The following DLEC1 variants were observed in gnomAD, a reference collection of about 807,000 sequenced individuals.
DLEC1 encodes the protein deleted in lung and esophageal cancer protein 1.
In DLEC1, 146 loss-of-function variants were observed where a neutral mutation model predicts 198.1. The observed-to-expected ratio is 0.74, with a 90% confidence interval of 0.64 to 0.85. The LOEUF (loss-of-function observed/expected upper bound fraction) is 0.85, where lower values mean the gene tolerates loss of function less well. Ranked by LOEUF, DLEC1 falls within the 40% of genes least tolerant of loss-of-function variation. The pLI is 0.00. For synonymous variants in DLEC1, 897 were observed against 866.8 expected (o/e 1.03, Z -0.61); for missense variants, 2,233 against 2,220.0 (o/e 1.01, Z -0.12).
chr3:38,123,125 G>A lies in DLEC1; in HGVS notation c.*713G>A, dbSNP rs1435916631. The A allele has an allele frequency of 1.2e-6, 2 of 1,614,132 alleles. No individual in the cohort carries two copies. Among genetic ancestry groups the A allele is most frequent in the Non-Finnish European group, 1.7e-6 (2 of 1,179,998 alleles). On this transcript the variant is annotated 3_prime_UTR_variant, in exon 37 of 37. Coordinates refer to ENST00000308059, the MANE Select transcript of DLEC1 (RefSeq NM_007335.4). ...ACATGGACACCACTCCGTATGCCCT[G>A]TGAAAACAAAACTTAATTGGCTGGG...
chr3:38,116,403 G>T (rs756309101), intron 27 of DLEC1, 50 bp from the exon 28 acceptor site: 6 of 1,603,100 alleles, frequency 3.7e-6, no homozygotes, highest in African/African-American at 1.3e-5. Flanking sequence ...GCCCCGGGGG[G>T]TTGTCTGCTC....
chr3:38,062,862 G>A (rs3752614), intron 5 of DLEC1, 61 bp downstream of exon 5: 480,141 of 1,556,900 alleles, frequency 0.31, 76,530 homozygotes, highest in East Asian at 0.52. Context: ...AACCTAGATG[G>A]TCCTCCGTTT....
rs73825490 is a variant in DLEC1 at position 38,085,108 on chromosome 3, G to A, written c.1262-166G>A. The stretch of plus-strand genomic sequence containing the variant: ...ATGCTTACCTGGAGTCGCCACCCTT[G>A]CAGCCTGCTCCCCTCGCATGCCCTT... On this transcript the variant is annotated intron_variant, in intron 7 of 36. Coordinates refer to ENST00000308059, the MANE Select transcript of DLEC1 (RefSeq NM_007335.4). Among the ~76,000 whole-genome samples the A allele has an allele frequency of 2.3e-3, 352 of 152,270 alleles. 1 individual carries two copies. The highest frequency in any genetic ancestry group is 8.2e-3 in the African/African-American group (340 of 41,552).
chr3:38,064,946 G>T (rs577176268), intron 6 of DLEC1, among the ~76,000 whole-genome samples: 63 of 152,352 alleles, frequency 4.1e-4, no homozygotes, highest in African/African-American at 1.5e-3. Flanking sequence ...TGGCGGCCGG[G>T]CAGAGGCTGC....
intron 19 of DLEC1, among the ~76,000 whole-genome samples, chr3:38,101,496 A>G (rs1699304345): frequency 6.6e-6 from 1 of 152,118 alleles, no homozygotes; most frequent in African/African-American, 2.4e-5. Flanking sequence ...TTGTTTTATT[A>G]TTCGTTAAAC....
chr3:38,045,823 G>T, intron 2 of DLEC1, 130 bp downstream of exon 2: 3 of 939,342 alleles, frequency 3.2e-6, no homozygotes, highest in Non-Finnish European at 3.1e-6. Flanking sequence ...ATGATAATAT[G>T]AATATTACCA....
At chr3:38,113,900 T>G (rs1575229459) in intron 25 of DLEC1, among the ~76,000 whole-genome samples, 1 of 151,900 alleles carries the variant, frequency 6.6e-6, no homozygotes, top group Admixed American at 6.6e-5. Flanking sequence ...TTTATTACTT[T>G]TGATTAGCAG....
intron 6 of DLEC1, among the ~76,000 whole-genome samples, chr3:38,083,614 TG>T (rs1698181818): frequency 8.4e-6 from 1 of 118,700 alleles, no homozygotes; most frequent in Admixed American, 8.8e-5. Flanking sequence ...TCAGTTAAGG[TG>T]GGGCAGGGCA....
At chr3:38,064,250 A>C (rs1324394347) in intron 6 of DLEC1, among the ~76,000 whole-genome samples, 2 of 152,018 alleles carry the variant, frequency 1.3e-5, no homozygotes, top group Non-Finnish European at 2.9e-5. Flanking sequence ...CTGTTTAACA[A>C]AGCACATCTT....
chr3:38,108,018 TG>T (rs1699659071), intron 20 of DLEC1, among the ~76,000 whole-genome samples: 1 of 152,314 alleles, frequency 6.6e-6, no homozygotes, highest in East Asian at 1.9e-4. Flanking sequence ...AGCCCATGAC[TG>T]GCCCAGGTAG....
At chr3:38,113,078 A>G (rs1699972188) in intron 25 of DLEC1, among the ~76,000 whole-genome samples, 2 of 152,254 alleles carry the variant, frequency 1.3e-5, no homozygotes, top group Admixed American at 1.3e-4. Context: ...AAGCTGGGGA[A>G]GAGTATCCCA....
At position 38,064,656 on chromosome 3, in the gene DLEC1, G is replaced by A. The variant is rs554149896; in HGVS notation, c.1173+737G>A. On this transcript the variant is annotated intron_variant, in intron 6 of 36. Coordinates refer to ENST00000308059, the MANE Select transcript of DLEC1 (RefSeq NM_007335.4). ...GGGCGGGGGCTGCCCCCCACCTCCC[G>A]GACGGGGTGGCTGCGGGGCAGAGAC... Among the ~76,000 whole-genome samples, 361 of 147,666 alleles carry A rather than the reference G, an allele frequency of 2.4e-3. 4 individuals carry two copies. The highest frequency in any genetic ancestry group is 8.9e-3 in the African/African-American group (342 of 38,634).
At chr3:38,053,900 C>T (rs1273824719) in intron 2 of DLEC1, among the ~76,000 whole-genome samples, 1 of 152,068 alleles carries the variant, frequency 6.6e-6, no homozygotes, top group African/African-American at 2.4e-5. Context: ...TTACCCCCAA[C>T]CCCGTGCTCT....
chr3:38,086,498 C>T (rs1698464760), intron 9 of DLEC1, 121 bp downstream of exon 9: 1 of 1,351,496 alleles, frequency 7.4e-7, no homozygotes, highest in Non-Finnish European at 1.0e-6. Context: ...GTGTTGTAAA[C>T]TCTCTATGCA....
chr3:38,044,720 C>A (rs756337792), intron 1 of DLEC1, among the ~76,000 whole-genome samples: 8 of 152,342 alleles, frequency 5.3e-5, no homozygotes, highest in Non-Finnish European at 1.2e-4. Context: ...TGCAAACTAT[C>A]TTTCATATTA....
In DLEC1 at chr3:38,096,604, CTG is replaced by C. The variant is rs758320461; in HGVS notation, c.2210_2211del (p.Val737GlyfsTer2). ...GAGAGCCTGGGGCACTCCTCCTACTCTGTGGATGATGTGATTGTCCTGGAAAT... is the reference window on the plus strand; with the variant it reads ...GAGAGCCTGGGGCACTCCTCCTACTCTGGATGATGTGATTGTCCTGGAAAT... On this transcript the variant is annotated frameshift_variant, in exon 15 of 37. Transcript: ENST00000308059. LOFTEE classifies it high-confidence loss of function. 6.2e-7 allele frequency: 1 copy of C among 1,612,360 alleles called. No homozygotes were observed. Among genetic ancestry groups the C allele is most frequent in the Non-Finnish European group, 8.5e-7 (1 of 1,179,956 alleles).
At chr3:38,070,956 A>G (rs1338674616) in intron 6 of DLEC1, among the ~76,000 whole-genome samples, 1 of 152,156 alleles carries the variant, frequency 6.6e-6, no homozygotes, top group Non-Finnish European at 1.5e-5. Flanking sequence ...TTATATTAAT[A>G]AGAAAAATGA....
chr3:38,119,976 T>C (rs561853100), intron 33 of DLEC1, among the ~76,000 whole-genome samples: 1 of 152,228 alleles, frequency 6.6e-6, no homozygotes, highest in Non-Finnish European at 1.5e-5. Context: ...ACCAAGGACC[T>C]GTGCTGGGAG....
Position 38,109,342 on chromosome 3 carries a change from C to T in DLEC1, c.3130-90C>T, listed in dbSNP as rs530195333. 2.6e-6 allele frequency: 4 copies of T among 1,552,966 alleles called. No individual in the cohort carries two copies. In the African/African-American group the frequency reaches 5.4e-5, roughly 21 times the overall value. ...TGAGCCTGGCCAGAGGTCAAGGCTC[C>T]ACAGCAATCCCCTGTGCTGCGGAAG... On this transcript the variant is annotated intron_variant, in intron 21 of 36. Transcript: ENST00000308059.
Sources: gnomAD v4.1 joint callset for allele counts (sites outside exome capture counted in the v4.1 genomes callset) on GRCh38, gnomAD v4.1.1 for gene constraint, MANE v1.5 for transcripts, NCBI Gene and HGNC (gene_info 2026-07-23, HGNC 2026-07-21) for gene names.